Variants in CHL1 observed in about 807,000 individuals in gnomAD.
The protein encoded by CHL1 is neural cell adhesion molecule L1-like protein.
Under a neutral mutation model 141.9 loss-of-function variants are expected in CHL1, and 96 were observed. The ratio of observed to expected loss-of-function variants is 0.68; its 90% CI spans 0.57 to 0.80. The LOEUF is 0.80. CHL1 is among the 30% of genes least tolerant of loss of function. The pLI, the probability that CHL1 is intolerant of heterozygous loss-of-function variation, is 0.00. For synonymous variants in CHL1, 613 were observed against 502.2 expected (o/e 1.22, Z -2.95); for missense variants, 1,820 against 1,457.2 (o/e 1.25, Z -4.05).
chr3:222,219 G>T (rs1700906580), intron 1 of CHL1, among the ~76,000 whole-genome samples: 2 of 152,114 alleles, frequency 1.3e-5, no homozygotes, highest in African/African-American at 4.8e-5. Flanking sequence ...CTAAAATCAA[G>T]GTGGCAGCAG....
chr3:326,150 G>T, intron 4 of CHL1, 86 bp downstream of exon 4: 1 of 760,214 alleles, frequency 1.3e-6, no homozygotes, highest in South Asian at 2.0e-5. Context: ...AAGCCTGTTG[G>T]ACTATGAATC....
At chr3:362,480 T>C (rs1179223443) in intron 13 of CHL1, among the ~76,000 whole-genome samples, 6 of 152,184 alleles carry the variant, frequency 3.9e-5, no homozygotes, top group Non-Finnish European at 8.8e-5. Flanking sequence ...TTTTTCAAAA[T>C]ACTAGATTGA....
At chr3:202,049 A>G (rs976134050) in intron 1 of CHL1, among the ~76,000 whole-genome samples, 2 of 152,240 alleles carry the variant, frequency 1.3e-5, no homozygotes, top group African/African-American at 4.8e-5. Context: ...TGGCTATAAA[A>G]GTCAGGCTGC....
intron 2 of CHL1, among the ~76,000 whole-genome samples, chr3:299,324 G>C (rs1354530947): frequency 6.6e-6 from 1 of 152,154 alleles, no homozygotes; most frequent in Non-Finnish European, 1.5e-5. Flanking sequence ...TAAATAACAA[G>C]ATGAAAGACT....
intron 10 of CHL1, among the ~76,000 whole-genome samples, chr3:351,489 G>C (rs1267724156): frequency 6.6e-6 from 1 of 151,972 alleles, no homozygotes; most frequent in African/African-American, 2.4e-5. Context: ...TAAAAACTTT[G>C]TTAATCATCT....
intron 2 of CHL1, among the ~76,000 whole-genome samples, chr3:318,274 C>A (rs891797524): frequency 1.3e-5 from 2 of 151,666 alleles, no homozygotes; most frequent in African/African-American, 4.8e-5. Flanking sequence ...TCTTAAGATG[C>A]AATTTAAAGT....
intron 15 of CHL1, among the ~76,000 whole-genome samples, chr3:369,495 T>G (rs997048360): frequency 6.6e-6 from 1 of 152,242 alleles, no homozygotes; most frequent in Non-Finnish European, 1.5e-5. Context: ...CAAGGAGTTT[T>G]GGGGCTTAGA....
chr3:362,507 C>T (rs1046317381), intron 13 of CHL1, among the ~76,000 whole-genome samples: 1 of 152,004 alleles, frequency 6.6e-6, no homozygotes, highest in Admixed American at 6.6e-5. Context: ...ATTTACCTTG[C>T]TTACTGAGAT....
intron 5 of CHL1, among the ~76,000 whole-genome samples, chr3:330,942 T>C (rs1483092905): frequency 1.3e-5 from 2 of 152,036 alleles, no homozygotes; most frequent in Non-Finnish European, 2.9e-5. Context: ...GGAATTGGCA[T>C]GTTAGCATGG....
At chr3:197,209 G>T (rs1458336225) in intron 1 of CHL1, 146 bp downstream of exon 1, 1 of 152,496 alleles carries the variant, frequency 6.6e-6, no homozygotes, top group East Asian at 1.9e-4. Flanking sequence ...GTCCGCAGTG[G>T]GGGTGGTCCG....
At chr3:335,202 C>G (rs1006531273) in intron 5 of CHL1, among the ~76,000 whole-genome samples, 1 of 152,152 alleles carries the variant, frequency 6.6e-6, no homozygotes, top group South Asian at 2.1e-4. Flanking sequence ...GCTAAATTCT[C>G]CTAAGTGCAA....
intron 9 of CHL1, among the ~76,000 whole-genome samples, 178 bp from the exon 10 acceptor site, chr3:349,181 A>G (rs1239194843): frequency 1.3e-5 from 2 of 152,158 alleles, no homozygotes; most frequent in Admixed American, 1.3e-4. Flanking sequence ...TTGCTTCAAC[A>G]CCAGTGTTCA....
chr3:288,707 A>C (rs1197748765), intron 2 of CHL1, among the ~76,000 whole-genome samples: 1 of 152,196 alleles, frequency 6.6e-6, no homozygotes, highest in African/African-American at 2.4e-5. Context: ...GATGCGCTCC[A>C]TCTTTGCATT....
chr3:336,121 C>G (rs138555969), intron 5 of CHL1, among the ~76,000 whole-genome samples: 1 of 152,258 alleles, frequency 6.6e-6, no homozygotes, highest in African/African-American at 2.4e-5. Flanking sequence ...CAGGCCCAAG[C>G]AGCTGACTTC....
chr3:314,842 A>G (rs1000450697), intron 2 of CHL1, among the ~76,000 whole-genome samples: 25 of 152,132 alleles, frequency 1.6e-4, no homozygotes, highest in African/African-American at 6.0e-4. Context: ...GAAGTGAGGA[A>G]ATAGCTTCTT....
In CHL1 at chr3:239,595, A is replaced by ATATATATATATATATATAT. The variant is rs5845955; in HGVS notation, c.-174-5018_-174-5017insTATATATATATATATATAT. On this transcript the variant is annotated intron_variant, in intron 1 of 27. Transcript: ENST00000256509. ...TAATTCATCTAAACAGTATATATAT[A>ATATATATATATATATATAT]AAATATATATATTTTAAAATTATTT... Among the ~76,000 whole-genome samples the ATATATATATATATATATAT allele has an allele frequency of 3.0e-3, 445 of 146,196 alleles. 6 individuals are homozygous for ATATATATATATATATATAT. The highest frequency in any genetic ancestry group is 4.8e-3 in the African/African-American group (191 of 39,886).
chr3:330,482 G>T (rs1053171308), intron 5 of CHL1, among the ~76,000 whole-genome samples: 2 of 152,000 alleles, frequency 1.3e-5, no homozygotes, highest in Admixed American at 6.6e-5. Flanking sequence ...GGAGTGAAGG[G>T]AGAAAATAGT....
intron 2 of CHL1, among the ~76,000 whole-genome samples, chr3:295,537 T>C (rs1479104894): frequency 6.6e-6 from 1 of 152,174 alleles, no homozygotes; most frequent in Middle Eastern, 3.2e-3. Flanking sequence ...AATGATAAAA[T>C]GTTTCGTTCT....
At chr3:221,148 T>G (rs1202091264) in intron 1 of CHL1, among the ~76,000 whole-genome samples, 1 of 152,232 alleles carries the variant, frequency 6.6e-6, no homozygotes, top group African/African-American at 2.4e-5. Context: ...ACATGTTTCA[T>G]GCATTTATTG....
Sources: allele counts gnomAD v4.1 joint callset (sites outside exome capture counted in the v4.1 genomes callset), GRCh38; gene constraint gnomAD v4.1.1; transcripts MANE v1.5; gene names NCBI Gene and HGNC (gene_info 2026-07-23, HGNC 2026-07-21).